Variants in MSH4 observed in about 807,000 individuals in gnomAD.
MSH4 encodes mutS homolog 4, also known as mutS protein homolog 4.
Under a neutral mutation model 113.7 loss-of-function variants are expected in MSH4, and 106 were observed. The ratio of observed to expected loss-of-function variants is 0.93; its 90% confidence interval spans 0.80 to 1.10. The LOEUF is 1.10. Ranked by LOEUF, MSH4 falls within the 50% of genes least tolerant of loss-of-function variation. The pLI is 0.00. For synonymous variants in MSH4, 368 were observed against 380.2 expected (o/e 0.97, Z 0.37); for missense variants, 1,061 against 1,093.7 (o/e 0.97, Z 0.42).
chr1:75,858,805 C>A (rs1053030224), intron 8 of MSH4, among the ~76,000 whole-genome samples: 1 of 152,188 alleles, frequency 6.6e-6, no homozygotes, highest in East Asian at 1.9e-4. Flanking sequence ...AGAATTCCCT[C>A]TTTTTCTATT....
At chr1:75,898,434 C>A (rs1371817957) in intron 18 of MSH4, among the ~76,000 whole-genome samples, 1 of 151,714 alleles carries the variant, frequency 6.6e-6, no homozygotes, top group Non-Finnish European at 1.5e-5. Context: ...TAGCAGGGTC[C>A]TTCCTCTGTT....
chr1:75,894,106 G>C (rs1467016855), intron 17 of MSH4, among the ~76,000 whole-genome samples: 1 of 152,108 alleles, frequency 6.6e-6, no homozygotes, highest in African/African-American at 2.4e-5. Flanking sequence ...GAAGAGCTCT[G>C]TTGTCACTCT....
intron 8 of MSH4, among the ~76,000 whole-genome samples, chr1:75,854,743 A>C (rs1651278901): frequency 6.6e-6 from 1 of 152,132 alleles, no homozygotes; most frequent in Admixed American, 6.6e-5. Context: ...TTGCTAGCCT[A>C]ACCTTTTTTT....
At position 75,867,581 on chromosome 1, in the gene MSH4, C is replaced by CT; in HGVS notation, c.1301dup (p.Leu434PhefsTer9). 6.4e-7 allele frequency: 1 copy of CT among 1,556,420 alleles called. No individual in the cohort carries two copies. Among genetic ancestry groups the CT allele is most frequent in the South Asian group, 1.2e-5 (1 of 86,900 alleles). ...AAACATACCTTGGAACTTGTGGATC[C>CT]TTTAAAGGTAATTTATGTGTGTGTA... On this transcript the variant is annotated frameshift_variant, in exon 9 of 20. Transcript: ENST00000263187. LOFTEE classifies it high-confidence loss of function.
intron 3 of MSH4, among the ~76,000 whole-genome samples, chr1:75,809,372 A>G (rs1650137081): frequency 6.6e-6 from 1 of 152,066 alleles, no homozygotes; most frequent in African/African-American, 2.4e-5. Flanking sequence ...AACCTTAATG[A>G]TACTAGTATT....
intron 17 of MSH4, among the ~76,000 whole-genome samples, chr1:75,897,018 C>A (rs917961621): frequency 3.3e-5 from 5 of 152,104 alleles, no homozygotes; most frequent in Non-Finnish European, 7.4e-5. Context: ...TAGTTGATAG[C>A]CATTTTGCCA....
Position 75,878,230 on chromosome 1 carries a change from T to TCAGAA in MSH4, c.1453_1457dup (p.Lys486AsnfsTer7). The TCAGAA allele has an allele frequency of 1.2e-6, 2 of 1,610,366 alleles. No individual in the cohort carries two copies. The highest frequency in any genetic ancestry group is 1.7e-6 in the Non-Finnish European group (2 of 1,178,736). On this transcript the variant is annotated frameshift_variant, in exon 11 of 20. Transcript: ENST00000263187. LOFTEE classifies it high-confidence loss of function. Reference sequence around the variant, plus strand: ...TGAAAGGATGCCTAAACATGAGGACTCAGAAGTGCTATGCAGTGAGGTCTA... The same window carrying TCAGAA: ...TGAAAGGATGCCTAAACATGAGGACTCAGAACAGAAGTGCTATGCAGTGAGGTCTA...
intron 8 of MSH4, among the ~76,000 whole-genome samples, chr1:75,859,878 A>G (rs1373827938): frequency 6.6e-6 from 1 of 152,166 alleles, no homozygotes; most frequent in African/African-American, 2.4e-5. Context: ...GTCTCCCATT[A>G]TTACTGTGCA....
chr1:75,894,799 G>GAC (rs1652334311), intron 17 of MSH4, among the ~76,000 whole-genome samples: 1 of 152,186 alleles, frequency 6.6e-6, no homozygotes, highest in African/African-American at 2.4e-5. Flanking sequence ...TGGCTTGATA[G>GAC]ACTGGTGGAC....
chr1:75,840,147 G>GACCC (rs1650920567), intron 7 of MSH4, among the ~76,000 whole-genome samples: 1 of 151,708 alleles, frequency 6.6e-6, no homozygotes, highest in South Asian at 2.1e-4. Flanking sequence ...AATACCATTT[G>GACCC]ACCCAGCCAT....
At chr1:75,822,604 T>TG in intron 7 of MSH4, 23 bp downstream of exon 7, 1 of 1,220,568 alleles carries the variant, frequency 8.2e-7, no homozygotes, top group Non-Finnish European at 1.1e-6. Context: ...TATTTAATAT[T>TG]ATAAATACAA....
chr1:75,862,785 G>C (rs1306735718), intron 8 of MSH4, among the ~76,000 whole-genome samples: 2 of 152,126 alleles, frequency 1.3e-5, no homozygotes, highest in African/African-American at 4.8e-5. Flanking sequence ...ACTTGTGAAT[G>C]AACTAAATGC....
chr1:75,899,770 T>G, intron 19 of MSH4, 64 bp downstream of exon 19: 1 of 724,906 alleles, frequency 1.4e-6, no homozygotes, highest in Non-Finnish European at 2.1e-6. Context: ...TAGATTTTTA[T>G]TATGACCTTT....
chr1:75,888,719 A>G (rs1021390792), intron 15 of MSH4, among the ~76,000 whole-genome samples: 2 of 152,056 alleles, frequency 1.3e-5, no homozygotes, highest in East Asian at 1.9e-4. Context: ...TAACTGGCAT[A>G]TTATATTCAT....
intron 7 of MSH4, among the ~76,000 whole-genome samples, chr1:75,829,302 G>A (rs748016924): frequency 2.6e-5 from 4 of 152,322 alleles, no homozygotes; most frequent in Non-Finnish European, 2.9e-5. Context: ...CAAACTGGGT[G>A]GAGCCCACCG....
At chr1:75,834,701 G>T (rs890368838) in intron 7 of MSH4, among the ~76,000 whole-genome samples, 1 of 152,168 alleles carries the variant, frequency 6.6e-6, no homozygotes, top group Non-Finnish European at 1.5e-5. Flanking sequence ...AACACCGCAT[G>T]TTCTCACTCA....
intron 8 of MSH4, among the ~76,000 whole-genome samples, chr1:75,856,462 G>A (rs1320874408): frequency 1.3e-5 from 2 of 151,970 alleles, no homozygotes; most frequent in Admixed American, 6.6e-5. Flanking sequence ...GACAGGCCCC[G>A]GTGTGTGGTG....
intron 19 of MSH4, among the ~76,000 whole-genome samples, chr1:75,908,253 C>A (rs1467973987): frequency 6.8e-6 from 1 of 148,114 alleles, no homozygotes; most frequent in Non-Finnish European, 1.5e-5. Flanking sequence ...TCAAGAAATT[C>A]TGCTGCCTCA....
chr1:75,889,754 C>T (rs1652210690), intron 16 of MSH4, among the ~76,000 whole-genome samples: 1 of 152,096 alleles, frequency 6.6e-6, no homozygotes, highest in Non-Finnish European at 1.5e-5. Flanking sequence ...AAATCATCCT[C>T]TTCTTTGTTC....
Sources: gnomAD v4.1 joint callset for allele counts (sites outside exome capture counted in the v4.1 genomes callset) on GRCh38, gnomAD v4.1.1 for gene constraint, MANE v1.5 for transcripts, NCBI Gene and HGNC (gene_info 2026-07-23, HGNC 2026-07-21) for gene names.